Variants in LMTK2 observed in about 807,000 individuals in gnomAD.
The protein encoded by LMTK2 is serine/threonine-protein kinase LMTK2.
Under a neutral mutation model 127.5 loss-of-function variants are expected in LMTK2, and 37 were observed. That is an observed-to-expected ratio of 0.29 (90% CI 0.22 to 0.38). The LOEUF is 0.38. LMTK2 is among the 10% of genes least tolerant of loss of function. The probability of loss-of-function intolerance (pLI) is 1.00; values close to 1 mark genes in which losing one functional copy is unlikely to be tolerated. For missense variants in LMTK2, 1,694 were observed against 1,920.3 expected, an observed-to-expected ratio of 0.88 and a Z score of 2.20; for synonymous variants, 819 against 810.1, an observed-to-expected ratio of 1.01 and a Z score of -0.19.
intron 5 of LMTK2, among the ~76,000 whole-genome samples, chr7:98,155,635 G>T (rs981927968): frequency 6.6e-6 from 1 of 152,276 alleles, no homozygotes; most frequent in Admixed American, 6.5e-5. Flanking sequence ...GAATCAGCAC[G>T]TTTGTCACTT....
In LMTK2 at chr7:98,193,279, C is replaced by G. The variant is rs770874507; in HGVS notation, c.2814C>G (p.Arg938=). 15 of 1,613,654 alleles carry G rather than the reference C, an allele frequency of 9.3e-6. No homozygotes were observed. The East Asian group carries it at 3.1e-4, about 34-fold the overall frequency. The change falls in exon 11 of 14, where the codon CGC becomes CGG. Residue 938 remains arginine, a synonymous_variant. Transcript: ENST00000297293. The surrounding 1 kb of genome is among the most constrained non-coding windows in gnomAD (Gnocchi z 4.1). ...KPFSEDHHSH[R]RLEKNLEAVE... ...TTTCGGAAGACCATCACAGTCATCG[C>G]CGGCTAGAGAAAAACTTAGAGGCTG...
chr7:98,120,393 G>A lies in LMTK2; in HGVS notation c.103+13113G>A, dbSNP rs535158007. The stretch of plus-strand genomic sequence containing the variant: ...TAATTGCAACCTTTAATTATAGGAA[G>A]TAAATCCCCAAGACATCTTGGACTT... On this transcript the variant is annotated intron_variant, in intron 1 of 13. Transcript: ENST00000297293. 1.3e-4 allele frequency among the ~76,000 whole-genome samples: 20 copies of A among 152,270 alleles called. No individual in the cohort carries two copies. In the South Asian group the frequency reaches 1.9e-3, roughly 14 times the overall value.
At chr7:98,140,884 C>CAAA (rs35204584) in intron 2 of LMTK2, among the ~76,000 whole-genome samples, 1 of 134,222 alleles carries the variant, frequency 7.5e-6, no homozygotes. Context: ...TCTGCCTCTA[C>CAAA]AAAAAAAAAA....
chr7:98,111,111 A>G (rs1468663156), intron 1 of LMTK2, among the ~76,000 whole-genome samples: 1 of 152,222 alleles, frequency 6.6e-6, no homozygotes, highest in Non-Finnish European at 1.5e-5. Context: ...GGTTAACTAA[A>G]TATGCTCATT....
chr7:98,114,451 C>T (rs2116318893), intron 1 of LMTK2, among the ~76,000 whole-genome samples: 1 of 151,886 alleles, frequency 6.6e-6, no homozygotes, highest in Middle Eastern at 3.4e-3. Flanking sequence ...CACTATATTG[C>T]CCAGGCTGGT....
At chr7:98,197,340 C>T (rs1797638368) in intron 11 of LMTK2, among the ~76,000 whole-genome samples, 1 of 152,200 alleles carries the variant, frequency 6.6e-6, no homozygotes, top group Non-Finnish European at 1.5e-5. Context: ...TAGGGCTTGA[C>T]CCAAGTCTCC....
chr7:98,128,280 G>A (rs947254977), intron 1 of LMTK2, among the ~76,000 whole-genome samples: 2 of 152,206 alleles, frequency 1.3e-5, no homozygotes, highest in Admixed American at 6.5e-5. Flanking sequence ...TTAAACAGGT[G>A]AGTCCTGAGG....
chr7:98,158,706 C>T (rs752562844), intron 5 of LMTK2, among the ~76,000 whole-genome samples: 4 of 151,978 alleles, frequency 2.6e-5, no homozygotes, highest in Non-Finnish European at 5.9e-5. Flanking sequence ...TTTATATGGG[C>T]GGATGTGCGT....
intron 1 of LMTK2, among the ~76,000 whole-genome samples, chr7:98,118,099 G>A (rs1340709616): frequency 2.6e-5 from 4 of 152,150 alleles, no homozygotes; most frequent in Non-Finnish European, 5.9e-5. Flanking sequence ...GGAGGAGAGA[G>A]CAACTTTGGG....
At chr7:98,114,685 CTGT>C (rs1183784464) in intron 1 of LMTK2, among the ~76,000 whole-genome samples, 5 of 152,180 alleles carry the variant, frequency 3.3e-5, no homozygotes, top group South Asian at 2.1e-4. Context: ...TGCAGCGCAT[CTGT>C]TGTTGTTCCT....
chr7:98,141,585 T>G, intron 3 of LMTK2, 44 bp downstream of exon 3: 1 of 1,570,940 alleles, frequency 6.4e-7, no homozygotes, highest in South Asian at 1.1e-5. Context: ...GAATTGTTTC[T>G]GAGATCTGAG....
intron 6 of LMTK2, among the ~76,000 whole-genome samples, chr7:98,165,272 G>A (rs1457860407): frequency 6.6e-6 from 1 of 152,192 alleles, no homozygotes; most frequent in African/African-American, 2.4e-5. Context: ...TTCCCATCGA[G>A]TGAGTTGTCT....
intron 7 of LMTK2, among the ~76,000 whole-genome samples, chr7:98,175,160 A>G (rs1486385566): frequency 6.6e-6 from 1 of 152,286 alleles, no homozygotes; most frequent in African/African-American, 2.4e-5. Context: ...GTGTGTGGTC[A>G]TTTCTGCAGG....
chr7:98,208,233 T>G lies in LMTK2; in HGVS notation c.*2741T>G, dbSNP rs1171227878. The G allele has an allele frequency of 6.6e-6, 1 of 152,190 alleles. No individual in the cohort carries two copies. The highest frequency in any genetic ancestry group is 1.9e-4 in the East Asian group (1 of 5,204). 9.4% of individuals were successfully genotyped at this position (152,190 alleles called of 1,614,324 possible). A position where few individuals can be genotyped will look rare whatever the true frequency, so the allele number is the denominator to read the frequency against. The stretch of plus-strand genomic sequence containing the variant: ...GGGGGTAGTGGATCTTAGTGTGGTG[T>G]TGCATGGAGGGGCGAGATTTTATAT... On this transcript the variant is annotated 3_prime_UTR_variant, in exon 14 of 14. Coordinates refer to ENST00000297293, the MANE Select transcript of LMTK2 (RefSeq NM_014916.4).
At position 98,140,114 on chromosome 7, in the gene LMTK2, C is replaced by CG. The variant is rs375260447; in HGVS notation, c.232-1283_232-1282insG. Among the ~76,000 whole-genome samples the CG allele has an allele frequency of 4.1e-3, 31 of 7,514 alleles. 8 individuals are homozygous for CG. The East Asian group carries it at 0.042, about 10-fold the overall frequency. The allele number at this position is 7,514 out of a possible 152,430, so 4.9% of individuals were successfully genotyped here. On this transcript the variant is annotated intron_variant, in intron 2 of 13. Coordinates refer to ENST00000297293, the MANE Select transcript of LMTK2 (RefSeq NM_014916.4). ...TCTTTCTTTCTTTCTTTCTTTCTTT[C>CG]TTTCTTTCTTTCTTTCTTTCTTTCT...
In LMTK2 at chr7:98,171,442, T is replaced by C. The variant is rs574489784; in HGVS notation, c.658-99T>C. ...AAGTATGAACAAAAGAAGTTTCTAA[T>C]AAATAATCTTAACAGTTAGTGTTCA... On this transcript the variant is annotated intron_variant, in intron 6 of 13. Transcript: ENST00000297293. This position sits in a 1 kb window ranked among gnomAD's most constrained non-coding sequence, Gnocchi z 5.1. 6.7e-7 allele frequency: 1 copy of C among 1,485,484 alleles called. No homozygotes were observed. The highest frequency in any genetic ancestry group is 9.4e-7 in the Non-Finnish European group (1 of 1,065,660). The allele number at this position is 1,485,484 out of a possible 1,614,324, so 92.0% of individuals were successfully genotyped here. A position where few individuals can be genotyped will look rare whatever the true frequency, so the allele number is the denominator to read the frequency against.
intron 6 of LMTK2, among the ~76,000 whole-genome samples, chr7:98,170,873 G>A (rs748758306): frequency 6.6e-6 from 1 of 152,098 alleles, no homozygotes; most frequent in Non-Finnish European, 1.5e-5. Context: ...CATGTGCTGG[G>A]CATCTGACTG....
At chr7:98,139,910 A>G (rs993306501) in intron 2 of LMTK2, among the ~76,000 whole-genome samples, 1 of 152,046 alleles carries the variant, frequency 6.6e-6, no homozygotes, top group Non-Finnish European at 1.5e-5. Context: ...TGGTGCCTGG[A>G]GGGCTAATAC....
At chr7:98,130,880 C>G (rs1488838501) in intron 1 of LMTK2, among the ~76,000 whole-genome samples, 1 of 152,148 alleles carries the variant, frequency 6.6e-6, no homozygotes, top group Admixed American at 6.5e-5. Flanking sequence ...ATTATGACAG[C>G]CCTAGCACGT....
Sources: allele counts gnomAD v4.1 joint callset (sites outside exome capture counted in the v4.1 genomes callset), GRCh38; gene constraint gnomAD v4.1.1; non-coding constraint Gnocchi (gnomAD v3.1); transcripts MANE v1.5; gene names NCBI Gene and HGNC (gene_info 2026-07-23, HGNC 2026-07-21).